KIAA0319L: variants seen among roughly 807,000 people sequenced by gnomAD.
The protein encoded by KIAA0319L is KIAA0319 like.
In KIAA0319L, 55 loss-of-function variants were observed where a neutral mutation model predicts 120.1. The observed-to-expected ratio is 0.46, with a 90% CI of 0.37 to 0.57. The LOEUF is 0.57. Among genes scored for constraint, KIAA0319L ranks in the 20% least tolerant of loss-of-function variants. The probability of loss-of-function intolerance (pLI) is 0.00; values close to 1 mark genes in which losing one functional copy is unlikely to be tolerated. For synonymous variants in KIAA0319L, 398 were observed against 471.9 expected, an observed-to-expected ratio of 0.84 and a Z score of 2.03; for missense variants, 1,049 against 1,255.3, an observed-to-expected ratio of 0.84 and a Z score of 2.48.
At chr1:35,464,529 A>T (rs1643120240) in intron 7 of KIAA0319L, among the ~76,000 whole-genome samples, 1 of 152,244 alleles carries the variant, frequency 6.6e-6, no homozygotes, top group Non-Finnish European at 1.5e-5. Context: ...ATTCAGTTTT[A>T]TACGGGAAGT....
At position 35,453,480 on chromosome 1, in the gene KIAA0319L, TCATAATAGCAAATAAAAC is replaced by T; in HGVS notation, c.1913+59_1913+76del. 1 of 1,436,532 alleles carries T rather than the reference TCATAATAGCAAATAAAAC, an allele frequency of 7.0e-7. No homozygotes were observed. Among genetic ancestry groups the T allele is most frequent in the Non-Finnish European group, 9.7e-7 (1 of 1,034,244 alleles). The allele number at this position is 1,436,532 out of a possible 1,614,324, so 89.0% of individuals were successfully genotyped here. A position where few individuals can be genotyped will look rare whatever the true frequency, so the allele number is the denominator to read the frequency against. ...GATAAGCCAATAAGAGCAACTCAAC[TCATAATAGCAAATAAAAC>T]CTTGCTCTTCCAAGGTCTGGAGGCT... is the stretch of plus-strand genomic sequence containing the variant. On this transcript the variant is annotated intron_variant, in intron 12 of 20. Transcript: ENST00000325722. The surrounding 1 kb of genome is among the most constrained non-coding windows in gnomAD (Gnocchi z 4.1).
At chr1:35,544,125 T>C (rs931808185) in intron 2 of KIAA0319L, among the ~76,000 whole-genome samples, 2 of 152,044 alleles carry the variant, frequency 1.3e-5, no homozygotes, top group East Asian at 3.9e-4. Context: ...CCTAGCACTT[T>C]GGGGGGCCAA....
chr1:35,482,555 G>C (rs1019312938), intron 3 of KIAA0319L, among the ~76,000 whole-genome samples: 1 of 150,800 alleles, frequency 6.6e-6, no homozygotes, highest in Non-Finnish European at 1.5e-5. Context: ...TCAGCCTCCC[G>C]AGTAGCTGGG....
intron 2 of KIAA0319L, among the ~76,000 whole-genome samples, chr1:35,513,235 GA>G (rs1466343463): frequency 7.5e-6 from 1 of 133,524 alleles, no homozygotes; most frequent in Non-Finnish European, 1.6e-5. Context: ...AAATGATTTT[GA>G]TTTATATATA....
At chr1:35,526,407 ATATACACACATACATATATATATG>A (rs1191409242) in intron 2 of KIAA0319L, among the ~76,000 whole-genome samples, 2 of 144,780 alleles carry the variant, frequency 1.4e-5, no homozygotes, top group African/African-American at 5.1e-5. Context: ...ATATATATAT[ATATACACACATACATATATATATG>A]TATATATATA....
intron 2 of KIAA0319L, among the ~76,000 whole-genome samples, chr1:35,531,116 T>C (rs1405691025): frequency 6.6e-6 from 1 of 152,188 alleles, no homozygotes; most frequent in Non-Finnish European, 1.5e-5. Flanking sequence ...GCAGTGGCTG[T>C]AGCAGCTGGC....
At chr1:35,464,457 C>A (rs1252702396) in intron 7 of KIAA0319L, among the ~76,000 whole-genome samples, 2 of 152,178 alleles carry the variant, frequency 1.3e-5, no homozygotes, top group Non-Finnish European at 2.9e-5. Flanking sequence ...TTTAGGGAAT[C>A]TGGCAGAAGA....
At chr1:35,513,288 A>ATATTTT (rs1414704674) in intron 2 of KIAA0319L, among the ~76,000 whole-genome samples, 34 of 85,296 alleles carry the variant, frequency 4.0e-4, no homozygotes, top group African/African-American at 1.4e-3. Context: ...ATATATATAT[A>ATATTTT]TTTTTTTTTT....
Position 35,547,722 on chromosome 1 carries a change from A to G in KIAA0319L, c.142+6628T>C, listed in dbSNP as rs147796132. Reference sequence around the variant, plus strand: ...GTCAGAAAGCAGATTTGTGGTTTCTAGTAGCTGGGGGAGGAGAGGATAGGG... The same window carrying G: ...GTCAGAAAGCAGATTTGTGGTTTCTGGTAGCTGGGGGAGGAGAGGATAGGG... On this transcript the variant is annotated intron_variant, in intron 2 of 20. Transcript: ENST00000325722. 4.1e-3 allele frequency among the ~76,000 whole-genome samples: 623 copies of G among 152,348 alleles called. 1 individual carries two copies. The highest frequency in any genetic ancestry group is 6.6e-3 in the Non-Finnish European group (447 of 68,024).
chr1:35,544,833 T>G (rs1646923806), intron 2 of KIAA0319L, among the ~76,000 whole-genome samples: 1 of 152,104 alleles, frequency 6.6e-6, no homozygotes, highest in Admixed American at 6.5e-5. Context: ...GAAGATACAA[T>G]CCAACTGTTT....
rs1646566881 is a variant in KIAA0319L, at chr1:35,536,205, G to A, written c.142+18145C>T. Among the ~76,000 whole-genome samples, 4 of 152,182 alleles carry A rather than the reference G, an allele frequency of 2.6e-5. No homozygotes were observed. The South Asian group carries it at 8.3e-4, about 32-fold the overall frequency. On this transcript the variant is annotated intron_variant, in intron 2 of 20. Coordinates refer to ENST00000325722, the MANE Select transcript of KIAA0319L (RefSeq NM_024874.5). ...GAAATATGAGAGATGTGCAAAGAAA[G>A]AAACTGAAGAAAAGCAGAGTGGATA...
intron 10 of KIAA0319L, among the ~76,000 whole-genome samples, 191 bp downstream of exon 10, chr1:35,455,822 G>A (rs369586924): frequency 4.0e-5 from 6 of 151,722 alleles, no homozygotes; most frequent in South Asian, 2.1e-4. Context: ...CTCATGATCC[G>A]CCCGCCTCAG....
intron 17 of KIAA0319L, among the ~76,000 whole-genome samples, chr1:35,443,705 T>TAAATAAATAAGC (rs1553189366): frequency 1.2e-3 from 187 of 151,334 alleles, no homozygotes; most frequent in African/African-American, 1.6e-3. Flanking sequence ...AATAAATAAA[T>TAAATAAATAAGC]AAGCATTAAA....
At chr1:35,470,780 A>G (rs1643573732) in intron 6 of KIAA0319L, 83 bp downstream of exon 6, 2 of 865,032 alleles carry the variant, frequency 2.3e-6, no homozygotes, top group Non-Finnish European at 4.0e-6. Flanking sequence ...ACTTAAGTGT[A>G]GACAGAAAAT....
chr1:35,457,357 C>T (rs1173448317), intron 9 of KIAA0319L, among the ~76,000 whole-genome samples: 2 of 152,110 alleles, frequency 1.3e-5, no homozygotes, highest in Admixed American at 1.3e-4. Flanking sequence ...GTTTACACAT[C>T]ACAACGATGG....
intron 16 of KIAA0319L, among the ~76,000 whole-genome samples, chr1:35,447,653 C>T (rs990604254): frequency 2.6e-4 from 39 of 151,332 alleles, no homozygotes; most frequent in African/African-American, 8.3e-4. Context: ...CTCACTGCAG[C>T]CTCAAACCCC....
intron 1 of KIAA0319L, among the ~76,000 whole-genome samples, chr1:35,555,334 C>A (rs1053879212): frequency 6.6e-6 from 1 of 152,218 alleles, no homozygotes; most frequent in African/African-American, 2.4e-5. Context: ...CTACATCCAG[C>A]AAACGACACA....
chr1:35,494,391 G>A (rs904060355), intron 3 of KIAA0319L, among the ~76,000 whole-genome samples: 1 of 152,072 alleles, frequency 6.6e-6, no homozygotes, highest in African/African-American at 2.4e-5. Context: ...GGAGGTTAAG[G>A]TAAGCCAAGA....
rs1194996831 is a variant in KIAA0319L at position 35,449,958 on chromosome 1, G to A, written c.2262C>T (p.Asn754=). 1.9e-6 allele frequency: 3 copies of A among 1,614,098 alleles called. No homozygotes were observed. The highest frequency in any genetic ancestry group is 3.3e-5 in the Admixed American group (2 of 60,024). The part of the protein sequence containing the change: ...SDHHPILFLS[N]LVEGTYTFHL... ...GAAAAGTGTAGGTTCCCTCAACCAGGTTTGAAAGAAAAAGGATAGGGTGAT... is the reference window on the plus strand; with the variant it reads ...GAAAAGTGTAGGTTCCCTCAACCAGATTTGAAAGAAAAAGGATAGGGTGAT... Residue 754 remains asparagine, a synonymous_variant, in exon 15 of 21, where the codon AAC becomes AAT. Transcript: ENST00000325722.
Sources: gnomAD v4.1 joint callset for allele counts (sites outside exome capture counted in the v4.1 genomes callset) on GRCh38, gnomAD v4.1.1 for gene constraint, Gnocchi (gnomAD v3.1) non-coding constraint, MANE v1.5 for transcripts, NCBI Gene and HGNC (gene_info 2026-07-23, HGNC 2026-07-21) for gene names.